The following MAP3K2 variants were observed in gnomAD, a reference collection of about 807,000 sequenced individuals.
MAP3K2 encodes MAP/ERK kinase kinase 2.
A neutral mutation model predicts 80.3 loss-of-function variants in MAP3K2; 24 were observed. That is an observed-to-expected ratio of 0.30 (90% CI 0.22 to 0.42). The LOEUF (loss-of-function observed/expected upper bound fraction) is 0.42, where lower values mean the gene tolerates loss of function less well. MAP3K2 is among the 10% of genes least tolerant of loss of function. The pLI is 1.00. For synonymous variants in MAP3K2, 244 were observed against 253.7 expected (o/e 0.96, Z 0.36); for missense variants, 608 against 750.1 (o/e 0.81, Z 2.21).
At chr2:127,347,503 T>A (rs969993422) in intron 1 of MAP3K2, among the ~76,000 whole-genome samples, 4 of 151,364 alleles carry the variant, frequency 2.6e-5, no homozygotes, top group Non-Finnish European at 5.9e-5. Context: ...CCAAAAAAAA[T>A]AAAGTACTTA....
At chr2:127,377,919 G>A (rs569040235) in intron 1 of MAP3K2, among the ~76,000 whole-genome samples, 2 of 152,304 alleles carry the variant, frequency 1.3e-5, no homozygotes, top group East Asian at 3.9e-4. Flanking sequence ...AGGAGCCAGA[G>A]GTTGCAGTGA....
At chr2:127,325,635 C>T in intron 9 of MAP3K2, 93 bp downstream of exon 9, 1 of 930,188 alleles carries the variant, frequency 1.1e-6, no homozygotes, top group Non-Finnish European at 1.7e-6. Context: ...CTGCAGTAAG[C>T]CGCATTCACG....
At chr2:127,360,017 T>G (rs977928836) in intron 1 of MAP3K2, among the ~76,000 whole-genome samples, 1 of 152,162 alleles carries the variant, frequency 6.6e-6, no homozygotes, top group African/African-American at 2.4e-5. Flanking sequence ...GCCTACGTAT[T>G]TACTCAAGAA....
At chr2:127,317,968 C>T (rs1558974656) in intron 13 of MAP3K2, among the ~76,000 whole-genome samples, 1 of 149,098 alleles carries the variant, frequency 6.7e-6, no homozygotes, top group African/African-American at 2.5e-5. Context: ...AACTGAAGTA[C>T]TAAAAAAGAA....
Position 127,310,818 on chromosome 2 carries a change from T to TTG in MAP3K2, c.1457-2057_1457-2056insCA, listed in dbSNP as rs1159919591. Among the ~76,000 whole-genome samples, 1 of 152,160 alleles carries TTG rather than the reference T, an allele frequency of 6.6e-6. No individual in the cohort carries two copies. The highest frequency in any genetic ancestry group is 2.4e-5 in the African/African-American group (1 of 41,440). ...TCATTTTTTTCCACATAGCCCTCAT[T>TTG]ACTTTGGACCTTCTCATTTTTAACT... On this transcript the variant is annotated intron_variant, in intron 15 of 16. Coordinates refer to ENST00000682094, the MANE Select transcript of MAP3K2 (RefSeq NM_001371910.2). This position sits in a 1 kb window ranked among gnomAD's most constrained non-coding sequence, Gnocchi z 4.8.
At chr2:127,353,597 C>T (rs56181977) in intron 1 of MAP3K2, among the ~76,000 whole-genome samples, 9 of 150,734 alleles carry the variant, frequency 6.0e-5, no homozygotes, top group African/African-American at 1.7e-4. Context: ...CCTGGCCAGC[C>T]GCCCCGTCCG....
intron 1 of MAP3K2, among the ~76,000 whole-genome samples, chr2:127,360,087 T>C (rs1019966053): frequency 5.3e-5 from 8 of 152,192 alleles, no homozygotes; most frequent in African/African-American, 1.4e-4. Context: ...GCAGATTTAT[T>C]TGTAATAGCC....
At position 127,329,979 on chromosome 2, in the gene MAP3K2, T is replaced by C. The variant is rs1197156013; in HGVS notation, c.408A>G (p.Leu136=). Residue 136 remains leucine (L), a synonymous_variant, in exon 7 of 17, where the codon CTA becomes CTG. Coordinates refer to ENST00000682094, the MANE Select transcript of MAP3K2 (RefSeq NM_001371910.2). Reference sequence around the variant, plus strand: ...CAAATACTGTATTATCCAAATCTTCTAGTGATGGCAATGGTTCTAAATTAG... The same window carrying C: ...CAAATACTGTATTATCCAAATCTTCCAGTGATGGCAATGGTTCTAAATTAG... The part of the protein sequence containing the change: ...QATNLEPLPS[L]EDLDNTVFGA... The C allele has an allele frequency of 1.1e-5, 17 of 1,609,604 alleles. No individual in the cohort carries two copies. Among genetic ancestry groups the C allele is most frequent in the Non-Finnish European group, 1.3e-5 (15 of 1,176,444 alleles).
At chr2:127,355,456 A>G (rs971243436) in intron 1 of MAP3K2, among the ~76,000 whole-genome samples, 6 of 152,200 alleles carry the variant, frequency 3.9e-5, no homozygotes, top group Admixed American at 3.9e-4. Flanking sequence ...AATGCATATA[A>G]AAGTTATGTT....
chr2:127,326,600 C>T, intron 8 of MAP3K2, 87 bp downstream of exon 8: 1 of 842,484 alleles, frequency 1.2e-6, no homozygotes, highest in Non-Finnish European at 1.7e-6. Flanking sequence ...AGAGATAATA[C>T]ACACACACAC....
At chr2:127,318,662 T>TA (rs1272442790) in intron 12 of MAP3K2, among the ~76,000 whole-genome samples, 1 of 152,236 alleles carries the variant, frequency 6.6e-6, no homozygotes, top group Non-Finnish European at 1.5e-5. Context: ...TATTTGTACT[T>TA]AGTTTTTCAG....
intron 1 of MAP3K2, among the ~76,000 whole-genome samples, chr2:127,378,409 T>A (rs1364247056): frequency 6.6e-6 from 1 of 152,204 alleles, no homozygotes; most frequent in Non-Finnish European, 1.5e-5. Flanking sequence ...CTCCAACAAA[T>A]TACTGAACAT....
At position 127,307,848 on chromosome 2, in the gene MAP3K2, G is replaced by GA. The variant is rs1456309141; in HGVS notation, c.1635-45dup. ...AAATACATTACACAAACAACAACAT[G>GA]AAAGAAAGCTAGTTAGCTAGAAAAT... is the stretch of plus-strand genomic sequence containing the variant. On this transcript the variant is annotated intron_variant, in intron 16 of 16. Coordinates refer to ENST00000682094, the MANE Select transcript of MAP3K2 (RefSeq NM_001371910.2). The surrounding 1 kb of genome is among the most constrained non-coding windows in gnomAD (Gnocchi z 5.4). The GA allele has an allele frequency of 7.5e-7, 1 of 1,331,378 alleles. No homozygotes were observed. Among genetic ancestry groups the GA allele is most frequent in the East Asian group, 2.5e-5 (1 of 39,896 alleles). The allele number at this position is 1,331,378 out of a possible 1,614,324, so 82.5% of individuals were successfully genotyped here.
chr2:127,314,520 A>G (rs568860021), intron 15 of MAP3K2, among the ~76,000 whole-genome samples: 1 of 152,320 alleles, frequency 6.6e-6, no homozygotes, highest in South Asian at 2.1e-4. Flanking sequence ...TCTCACTTGT[A>G]TGGTCTCTTA....
chr2:127,346,410 T>TAAAAAA (rs70985447), intron 1 of MAP3K2, among the ~76,000 whole-genome samples: 11 of 96,336 alleles, frequency 1.1e-4, no homozygotes, highest in African/African-American at 2.1e-4. Flanking sequence ...AAACTGGTTT[T>TAAAAAA]AAAAAAAAAA....
intron 1 of MAP3K2, among the ~76,000 whole-genome samples, chr2:127,384,669 T>C (rs1574012293): frequency 7.5e-6 from 1 of 132,610 alleles, no homozygotes; most frequent in African/African-American, 2.7e-5. Flanking sequence ...CAAAGTGGCC[T>C]TTTTTTTTTT....
At chr2:127,378,922 A>G (rs971371499) in intron 1 of MAP3K2, among the ~76,000 whole-genome samples, 6 of 150,892 alleles carry the variant, frequency 4.0e-5, no homozygotes, top group Admixed American at 2.0e-4. Flanking sequence ...CCTTTTGAGT[A>G]GCTGGAACTA....
At chr2:127,385,232 G>C (rs913957459) in intron 1 of MAP3K2, among the ~76,000 whole-genome samples, 1 of 152,128 alleles carries the variant, frequency 6.6e-6, no homozygotes, top group African/African-American at 2.4e-5. Context: ...CTTACTTTAA[G>C]AAATTGCCTC....
chr2:127,385,117 A>G (rs537868261), intron 1 of MAP3K2, among the ~76,000 whole-genome samples: 1 of 152,378 alleles, frequency 6.6e-6, no homozygotes, highest in South Asian at 2.1e-4. Context: ...TCCAATTTTG[A>G]AAAATGTTCT....
Sources: allele counts gnomAD v4.1 joint callset (sites outside exome capture counted in the v4.1 genomes callset), GRCh38; gene constraint gnomAD v4.1.1; non-coding constraint Gnocchi (gnomAD v3.1); transcripts MANE v1.5; gene names NCBI Gene and HGNC (gene_info 2026-07-23, HGNC 2026-07-21).